AFG1L: variants seen among roughly 807,000 people sequenced by gnomAD.
AFG1L encodes the protein AFG1 like ATPase.
Under a neutral mutation model 62.2 loss-of-function variants are expected in AFG1L, and 53 were observed. That is an observed-to-expected ratio of 0.85 (90% CI 0.68 to 1.07). The LOEUF is 1.07. AFG1L is among the 50% of genes least tolerant of loss of function. AFG1L has a pLI of 0.00. For missense variants in AFG1L, 555 were observed against 590.5 expected (o/e 0.94, Z 0.62); for synonymous variants, 228 against 210.3 (o/e 1.08, Z -0.73).
At chr6:108,444,708 G>A (rs910822042) in intron 7 of AFG1L, among the ~76,000 whole-genome samples, 4 of 152,198 alleles carry the variant, frequency 2.6e-5, no homozygotes, top group Admixed American at 2.6e-4. Context: ...CTAAGCAGTA[G>A]CTCTGAACAG....
intron 2 of AFG1L, among the ~76,000 whole-genome samples, chr6:108,326,633 C>T (rs1326561536): frequency 1.3e-5 from 2 of 152,108 alleles, no homozygotes; most frequent in African/African-American, 4.8e-5. Context: ...AAGAAAGGCA[C>T]CATAGAACAA....
intron 6 of AFG1L, among the ~76,000 whole-genome samples, chr6:108,395,409 T>C (rs1441926066): frequency 1.4e-5 from 2 of 147,306 alleles, no homozygotes; most frequent in African/African-American, 2.5e-5. Context: ...TTTTCTTTTT[T>C]TTTTTTTTTT....
At chr6:108,478,436 C>G (rs1242861069) in intron 10 of AFG1L, among the ~76,000 whole-genome samples, 1 of 152,122 alleles carries the variant, frequency 6.6e-6, no homozygotes, top group African/African-American at 2.4e-5. Flanking sequence ...GACTCCGTCT[C>G]GAAAAAGCAA....
chr6:108,448,377 C>T (rs2114753348), intron 8 of AFG1L, among the ~76,000 whole-genome samples: 1 of 152,078 alleles, frequency 6.6e-6, no homozygotes. Context: ...CACAGCCTTT[C>T]CCTGATTTTT....
At chr6:108,297,393 C>A (rs1239655155) in intron 1 of AFG1L, among the ~76,000 whole-genome samples, 1 of 152,200 alleles carries the variant, frequency 6.6e-6, no homozygotes, top group Non-Finnish European at 1.5e-5. Flanking sequence ...AGGCGTGAGC[C>A]ATGGTGCCCT....
intron 6 of AFG1L, among the ~76,000 whole-genome samples, chr6:108,370,110 G>A (rs1316320394): frequency 7.1e-6 from 1 of 141,340 alleles, no homozygotes; most frequent in East Asian, 2.1e-4. Context: ...GAGAGTGAGG[G>A]GGAGAAGGAT....
At chr6:108,476,246 CA>C (rs1773100183) in intron 8 of AFG1L, among the ~76,000 whole-genome samples, 1 of 152,138 alleles carries the variant, frequency 6.6e-6, no homozygotes, top group South Asian at 2.1e-4. Flanking sequence ...GTAGCTGTAA[CA>C]GTGGGCATCA....
rs367995474 is a variant in AFG1L at position 108,295,129 on chromosome 6, G to A, written c.50G>A (p.Ser17Asn). The A allele has an allele frequency of 6.2e-7, 1 of 1,611,304 alleles. No individual in the cohort carries two copies. Among genetic ancestry groups the A allele is most frequent in the Non-Finnish European group, 8.5e-7 (1 of 1,179,980 alleles). The change falls in exon 1 of 13, where the codon AGC becomes AAC. Residue 17 changes from serine to asparagine, a missense_variant. Transcript: ENST00000368977. ...LLVTLRPLAQSPLRGRCVGCG... is the reference protein window; with the variant it reads ...LLVTLRPLAQNPLRGRCVGCG... ...GTTACCCTGCGCCCCTTAGCACAGA[G>A]CCCGCTGAGAGGGAGATGTGTTGGG...
rs775039476 is a variant in AFG1L, at chr6:108,323,845, G to T, written c.160G>T (p.Glu54Ter). The T allele has an allele frequency of 3.3e-5, 53 of 1,613,898 alleles. No homozygotes were observed. Among genetic ancestry groups the T allele is most frequent in the Admixed American group, 2.3e-4 (14 of 59,992 alleles). Residue 54 changes from glutamate (E) to a stop codon, truncating the protein, a stop_gained, in exon 2 of 13, where the codon GAG becomes TAG. Transcript: ENST00000368977. LOFTEE classifies it high-confidence loss of function. ...TATAGCCTATACGGTTCAGACATCC[G>T]AGAGCATGACCCCAACTGCCACTTC... The part of the protein sequence containing the change: ...FWKAYTVQTS[E>*]SMTPTATSET...
intron 11 of AFG1L, among the ~76,000 whole-genome samples, chr6:108,516,823 TG>T (rs1370044063): frequency 1.3e-5 from 2 of 152,128 alleles, no homozygotes; most frequent in African/African-American, 4.8e-5. Context: ...ACAAAATCAA[TG>T]TGCAAAAATG....
At chr6:108,475,742 A>G (rs980980119) in intron 8 of AFG1L, among the ~76,000 whole-genome samples, 2 of 152,212 alleles carry the variant, frequency 1.3e-5, no homozygotes, top group Non-Finnish European at 2.9e-5. Context: ...CATAATAACT[A>G]TATGCTTTGT....
intron 4 of AFG1L, 98 bp from the exon 5 acceptor site, chr6:108,356,591 TG>T: frequency 1.4e-6 from 1 of 730,752 alleles, no homozygotes; most frequent in Non-Finnish European, 2.0e-6. Flanking sequence ...CTTAATTTTA[TG>T]TCCATACTAA....
chr6:108,483,814 G>A (rs1444473820), intron 10 of AFG1L, among the ~76,000 whole-genome samples: 1 of 152,096 alleles, frequency 6.6e-6, no homozygotes, highest in South Asian at 2.1e-4. Context: ...GGAAATGAAA[G>A]CCCATCACAT....
chr6:108,514,645 C>T (rs1774803953), intron 11 of AFG1L, among the ~76,000 whole-genome samples: 1 of 152,130 alleles, frequency 6.6e-6, no homozygotes, highest in South Asian at 2.1e-4. Flanking sequence ...TCACACATAA[C>T]AATATTAACC....
At chr6:108,508,358 G>A (rs1458611266) in intron 10 of AFG1L, among the ~76,000 whole-genome samples, 1 of 152,218 alleles carries the variant, frequency 6.6e-6, no homozygotes, top group African/African-American at 2.4e-5. Flanking sequence ...AACCCTCCAT[G>A]GCTGAGGTGA....
At chr6:108,311,969 A>T (rs1400618154) in intron 1 of AFG1L, among the ~76,000 whole-genome samples, 3 of 151,996 alleles carry the variant, frequency 2.0e-5, no homozygotes, top group Admixed American at 2.0e-4. Flanking sequence ...GGTTCAAGTG[A>T]TTCTCATGCC....
At position 108,469,987 on chromosome 6, in the gene AFG1L, G is replaced by A. The variant is rs571190570; in HGVS notation, c.891-6878G>A. ...TTATCTTATTTTCAAACAAATACCCGTTTGCAGCCTAACTCCTCACCTGTA... is the reference window on the plus strand; with the variant it reads ...TTATCTTATTTTCAAACAAATACCCATTTGCAGCCTAACTCCTCACCTGTA... On this transcript the variant is annotated intron_variant, in intron 8 of 12. Coordinates refer to ENST00000368977, the MANE Select transcript of AFG1L (RefSeq NM_145315.5). 5.3e-5 allele frequency among the ~76,000 whole-genome samples: 8 copies of A among 152,238 alleles called. No individual in the cohort carries two copies. The East Asian group carries it at 9.6e-4, about 18-fold the overall frequency.
intron 8 of AFG1L, among the ~76,000 whole-genome samples, chr6:108,460,785 G>A (rs1325349693): frequency 6.6e-6 from 1 of 152,044 alleles, no homozygotes; most frequent in African/African-American, 2.4e-5. Flanking sequence ...GTGAAACCCT[G>A]TCTCTACTAA....
chr6:108,393,157 C>T (rs1781132310), intron 6 of AFG1L, among the ~76,000 whole-genome samples: 1 of 151,926 alleles, frequency 6.6e-6, no homozygotes, highest in Admixed American at 6.6e-5. Context: ...TCAAGAACTC[C>T]TGAATTTTAA....
Sources: gnomAD v4.1 joint callset for allele counts (sites outside exome capture counted in the v4.1 genomes callset) on GRCh38, gnomAD v4.1.1 for gene constraint, MANE v1.5 for transcripts, NCBI Gene and HGNC (gene_info 2026-07-23, HGNC 2026-07-21) for gene names.